Variants in MYO7A observed in about 807,000 individuals in gnomAD.
The protein encoded by MYO7A is myosin VIIA.
A neutral mutation model predicts 263.8 loss-of-function variants in MYO7A; 210 were observed. That is an observed-to-expected ratio of 0.80 (90% CI 0.71 to 0.89). The LOEUF (loss-of-function observed/expected upper bound fraction) is 0.89. Among genes scored for constraint, MYO7A ranks in the 40% least tolerant of loss-of-function variants. The pLI is 0.00. For missense variants in MYO7A, 2,820 were observed against 2,968.3 expected, an observed-to-expected ratio of 0.95 and a Z score of 1.16; for synonymous variants, 1,239 against 1,197.3, an observed-to-expected ratio of 1.03 and a Z score of -0.72.
intron 4 of MYO7A, among the ~76,000 whole-genome samples, chr11:77,155,446 C>T (rs554732965): frequency 3.9e-5 from 6 of 152,224 alleles, no homozygotes; most frequent in East Asian, 1.9e-4. Flanking sequence ...TAATTTCTCA[C>T]GCCCCTCTTC....
chr11:77,185,122 G>T (rs1555087717), intron 27 of MYO7A: 1 of 360,324 alleles, frequency 2.8e-6, no homozygotes, highest in Non-Finnish European at 5.4e-6. Context: ...AATGCTAATG[G>T]TCATCTGAAA....
At chr11:77,175,570 T>C in intron 18 of MYO7A, 106 bp downstream of exon 18, 3 of 1,062,746 alleles carry the variant, frequency 2.8e-6, no homozygotes, top group Non-Finnish European at 4.3e-6. Flanking sequence ...TTTGAGATCC[T>C]TTCTGCCGGG....
At chr11:77,202,478 C>G in intron 37 of MYO7A, 54 bp downstream of exon 37, 1 of 1,531,818 alleles carries the variant, frequency 6.5e-7, no homozygotes, top group Non-Finnish European at 8.8e-7. Flanking sequence ...TGCAGGCTTC[C>G]GCTACTGTCT....
intron 15 of MYO7A, among the ~76,000 whole-genome samples, chr11:77,166,668 T>C (rs914089834): frequency 2.6e-5 from 4 of 152,172 alleles, no homozygotes; most frequent in Non-Finnish European, 4.4e-5. Flanking sequence ...CATGCCTTTT[T>C]ATTTCATATT....
At position 77,183,112 on chromosome 11, in the gene MYO7A, G is replaced by T. The variant is rs1555086002; in HGVS notation, c.3330G>T (p.Lys1110Asn). Reference protein sequence around the residue: ...EGQKKSSVRHKLVHLTLKKKS... With the variant: ...EGQKKSSVRHNLVHLTLKKKS... ...AGAAGAAGAGCAGTGTGAGGCACAAGCTGGTGCATTTGACTCTGAAAAAGA... is the reference window on the plus strand; with the variant it reads ...AGAAGAAGAGCAGTGTGAGGCACAATCTGGTGCATTTGACTCTGAAAAAGA... Residue 1110 changes from lysine to asparagine, a missense_variant, in exon 26 of 49, where the codon AAG (lysine) becomes AAT (asparagine). Transcript: ENST00000409709. The T allele has an allele frequency of 6.4e-7, 1 of 1,552,316 alleles. No homozygotes were observed. Among genetic ancestry groups the T allele is most frequent in the South Asian group, 1.2e-5 (1 of 84,088 alleles).
chr11:77,190,616 A>C, intron 29 of MYO7A, 81 bp from the exon 30 acceptor site: 2 of 1,341,074 alleles, frequency 1.5e-6, no homozygotes. Context: ...CCAACCCCAC[A>C]GAAAGCAGAG....
intron 46 of MYO7A, chr11:77,212,588 A>T (rs1226820551): frequency 8.2e-6 from 3 of 364,828 alleles, no homozygotes; most frequent in Non-Finnish European, 1.6e-5. Flanking sequence ...CTGGTGTGAG[A>T]GGATACGTAT....
intron 2 of MYO7A, among the ~76,000 whole-genome samples, chr11:77,133,737 T>C (rs569578198): frequency 6.6e-6 from 1 of 152,340 alleles, no homozygotes; most frequent in South Asian, 2.1e-4. Context: ...ACACATGAAG[T>C]AATTACTGTT....
At chr11:77,195,618 C>T (rs1030056484) in intron 32 of MYO7A, among the ~76,000 whole-genome samples, 1 of 152,220 alleles carries the variant, frequency 6.6e-6, no homozygotes, top group East Asian at 1.9e-4. Flanking sequence ...GGAGACACAG[C>T]CCTTTGTGGG....
chr11:77,175,047 T>G, intron 17 of MYO7A, 133 bp downstream of exon 17: 3 of 1,189,842 alleles, frequency 2.5e-6, no homozygotes, highest in Non-Finnish European at 3.5e-6. Flanking sequence ...CACGGAAAAT[T>G]GGGGTTCAGG....
At chr11:77,163,018 C>G in intron 14 of MYO7A, 30 bp downstream of exon 14, 1 of 1,610,846 alleles carries the variant, frequency 6.2e-7, no homozygotes, top group East Asian at 2.2e-5. Flanking sequence ...GTCTGTCACT[C>G]CCTGCCCGTG....
intron 19 of MYO7A, among the ~76,000 whole-genome samples, chr11:77,177,933 A>G (rs1954781822): frequency 6.6e-6 from 1 of 152,136 alleles, no homozygotes; most frequent in South Asian, 2.1e-4. Flanking sequence ...CCCACTGTTC[A>G]TGTCAGATGC....
chr11:77,169,397 G>A (rs1555074651), intron 15 of MYO7A, among the ~76,000 whole-genome samples: 1 of 152,210 alleles, frequency 6.6e-6, no homozygotes, highest in Non-Finnish European at 1.5e-5. Context: ...ATATGTCCTG[G>A]GGCCCTGAGC....
Position 77,208,336 on chromosome 11 carries a change from T to C in MYO7A, c.5857-94T>C, listed in dbSNP as rs879244244. On this transcript the variant is annotated intron_variant, in intron 42 of 48. Coordinates refer to ENST00000409709, the MANE Select transcript of MYO7A (RefSeq NM_000260.4). The stretch of plus-strand genomic sequence containing the variant: ...TTCCGGCTGGGAGTGGAGTCTTCCC[T>C]GAGAAGGAGCAGCTGCCAGACAGGC... 3 of 984,744 alleles carry C rather than the reference T, an allele frequency of 3.0e-6. No individual in the cohort carries two copies. The East Asian group carries it at 7.8e-5, about 26-fold the overall frequency. The allele number at this position is 984,744 out of a possible 1,614,324, so 61.0% of individuals were successfully genotyped here.
At chr11:77,213,097 C>A in intron 47 of MYO7A, 62 bp downstream of exon 47, 1 of 1,305,508 alleles carries the variant, frequency 7.7e-7, no homozygotes, top group South Asian at 1.3e-5. Context: ...AGACACGGTC[C>A]CAGAACGAAC....
At chr11:77,197,368 C>CA in intron 32 of MYO7A, 113 bp from the exon 33 acceptor site, 1 of 740,062 alleles carries the variant, frequency 1.4e-6, no homozygotes, top group East Asian at 2.7e-5. Flanking sequence ...CCACGATGCA[C>CA]AGGAGGTGCA....
At chr11:77,189,852 G>A (rs925426051) in intron 28 of MYO7A, among the ~76,000 whole-genome samples, 168 bp from the exon 29 acceptor site, 9 of 152,244 alleles carry the variant, frequency 5.9e-5, no homozygotes, top group African/African-American at 2.2e-4. Context: ...GGTGGGGGAG[G>A]CCACAGACGT....
At chr11:77,163,881 C>A (rs1227970545) in intron 14 of MYO7A, among the ~76,000 whole-genome samples, 1 of 152,116 alleles carries the variant, frequency 6.6e-6, no homozygotes, top group East Asian at 1.9e-4. Flanking sequence ...CTGCTCTGAA[C>A]ACTTGTGTAC....
chr11:77,201,869 G>T (rs1019834898), intron 36 of MYO7A, among the ~76,000 whole-genome samples: 2 of 140,438 alleles, frequency 1.4e-5, no homozygotes, highest in African/African-American at 5.1e-5. Context: ...CGGGGGTGGG[G>T]ATTGGAGAGA....
Sources: gnomAD v4.1 joint callset for allele counts (sites outside exome capture counted in the v4.1 genomes callset) on GRCh38, gnomAD v4.1.1 for gene constraint, MANE v1.5 for transcripts, NCBI Gene and HGNC (gene_info 2026-07-23, HGNC 2026-07-21) for gene names.